Variants in SYT3 observed in about 807,000 individuals in gnomAD.
The protein encoded by SYT3 is synaptotagmin-3.
A neutral mutation model predicts 50.6 loss-of-function variants in SYT3; 25 were observed. The observed-to-expected ratio is 0.49, with a 90% confidence interval of 0.36 to 0.69. The LOEUF (loss-of-function observed/expected upper bound fraction) is 0.69, where lower values mean the gene tolerates loss of function less well. Among genes scored for constraint, SYT3 ranks in the 30% least tolerant of loss-of-function variants. The pLI, the probability that SYT3 is intolerant of heterozygous loss-of-function variation, is 0.00. For missense variants in SYT3, 589 were observed against 793.6 expected (o/e 0.74, Z 3.10); for synonymous variants, 323 against 353.9 (o/e 0.91, Z 0.98).
upstream of SYT3, among the ~76,000 whole-genome samples, chr19:50,640,292 C>T (rs948163046): frequency 6.6e-6 from 1 of 152,202 alleles, no homozygotes. Flanking sequence ...CCAACTCCTG[C>T]CTGTGTGCGC....
At position 50,629,449 on chromosome 19, in the gene SYT3, C is replaced by G. The variant is rs375139764; in HGVS notation, c.1126G>C (p.Glu376Gln). 44 of 1,613,902 alleles carry G rather than the reference C, an allele frequency of 2.7e-5. No homozygotes were observed. Among genetic ancestry groups the G allele is most frequent in the South Asian group, 7.7e-5 (7 of 91,076 alleles). Residue 376 changes from glutamate to glutamine, a missense_variant, in exon 6 of 11, where the codon GAG (glutamate) becomes CAG (glutamine). Around this residue, in one of 2 missense-constraint regions of SYT3, gnomAD observed 273 missense variants for 439.3 expected, o/e 0.62. Coordinates refer to ENST00000600079, the MANE Select transcript of SYT3 (RefSeq NM_001160329.2). ...AAGTGCAGTTTGCGTTGGGCCAGCT[C>G]GGCCAGGGGCACCGAGAATTGAAAC... Reference protein sequence around the residue: ...ETFQFSVPLAELAQRKLHFSV... With the variant: ...ETFQFSVPLAQLAQRKLHFSV...
At chr19:50,649,516 T>A in the SYT3 span, 5 of 1,535,790 alleles carry the variant, frequency 3.3e-6, no homozygotes, top group Non-Finnish European at 4.4e-6. Flanking sequence ...AGGCAGGTAC[T>A]GAGCTGTGTC....
the SYT3 span, chr19:50,655,988 T>A: frequency 3.4e-6 from 5 of 1,491,232 alleles, no homozygotes; most frequent in Non-Finnish European, 4.5e-6. Context: ...GTGATGGCCA[T>A]TTAAGCAGAA....
Position 50,625,955 on chromosome 19 carries a change from G to A in SYT3, c.1344C>T (p.Leu448=), listed in dbSNP as rs200111183. ...SLCYLPTAGR[L]TVTIIKASNL... ...TAGAGGCTTTGATGATGGTCACGGT[G>A]AGGCGCCCGGCCGTGGGGAGGTAGC... is the stretch of plus-strand genomic sequence containing the variant. Residue 448 remains leucine (L), a synonymous_variant, in exon 7 of 11, where the codon CTC becomes CTT. Transcript: ENST00000600079. The surrounding 1 kb of genome is among the most constrained non-coding windows in gnomAD (Gnocchi z 7.5). 20 of 1,614,020 alleles carry A rather than the reference G, an allele frequency of 1.2e-5. No homozygotes were observed. Among genetic ancestry groups the A allele is most frequent in the Non-Finnish European group, 1.7e-5 (20 of 1,180,020 alleles).
At chr19:50,655,566 G>A in the SYT3 span, among the ~76,000 whole-genome samples, 4 of 151,946 alleles carry the variant, frequency 2.6e-5, no homozygotes, top group South Asian at 2.1e-4. Flanking sequence ...GGAGAATGGC[G>A]TGAACCCGGG....
At chr19:50,648,780 G>C in the SYT3 span, among the ~76,000 whole-genome samples, 28 of 152,002 alleles carry the variant, frequency 1.8e-4, no homozygotes, top group Admixed American at 1.0e-3. Context: ...TTGGAATCTC[G>C]CCTGTTTCTA....
the SYT3 span, chr19:50,649,666 G>A: frequency 1.2e-6 from 1 of 858,788 alleles, no homozygotes; most frequent in African/African-American, 1.7e-5. Context: ...CCTGGAGAGC[G>A]GCCCCCTTGG....
Position 50,622,333 on chromosome 19 carries a change from T to C in SYT3, c.*152A>G. On this transcript the variant is annotated 3_prime_UTR_variant, in exon 11 of 11. Coordinates refer to ENST00000600079, the MANE Select transcript of SYT3 (RefSeq NM_001160329.2). ...GAGCTGGGCCGGCCTCCTCTCATCC[T>C]CTCGCTTCCAGGGTTAGGAAGCCTA... is the stretch of plus-strand genomic sequence containing the variant. 4.4e-6 allele frequency: 1 copy of C among 228,420 alleles called. No homozygotes were observed. The highest frequency in any genetic ancestry group is 2.3e-5 in the African/African-American group (1 of 43,848). 14.1% of individuals were successfully genotyped at this position (228,420 alleles called of 1,614,324 possible). A position where few individuals can be genotyped will look rare whatever the true frequency, so the allele number is the denominator to read the frequency against.
Position 50,625,120 on chromosome 19 carries a change from G to A in SYT3, c.1707+42C>T, listed in dbSNP as rs7256670. 3.2e-3 allele frequency: 4,913 copies of A among 1,525,708 alleles called. 129 individuals are homozygous for A. The African/African-American group carries it at 0.055, about 17-fold the overall frequency. The allele number at this position is 1,525,708 out of a possible 1,614,324, so 94.5% of individuals were successfully genotyped here. On this transcript the variant is annotated intron_variant, in intron 9 of 10. Transcript: ENST00000600079. This position sits in a 1 kb window ranked among gnomAD's most constrained non-coding sequence, Gnocchi z 7.5. Reference sequence around the variant, plus strand: ...TTGCATGGATGAAGGGGCCGAGGGTGCACGGGTGCTTGTCAGGGGTCGGTG... The same window carrying A: ...TTGCATGGATGAAGGGGCCGAGGGTACACGGGTGCTTGTCAGGGGTCGGTG...
rs1248298000 is a variant in SYT3 at position 50,625,595 on chromosome 19, A to C, written c.1403-31T>G. The C allele has an allele frequency of 2.6e-6, 4 of 1,537,264 alleles. No individual in the cohort carries two copies. In the African/African-American group the frequency reaches 4.2e-5, roughly 16 times the overall value. ...AACAGCAATGAAGTAAGGAACAGAG[A>C]CTCACTCCCTCAGACCTAGGGGTCC... On this transcript the variant is annotated intron_variant, in intron 7 of 10. Transcript: ENST00000600079. This position sits in a 1 kb window ranked among gnomAD's most constrained non-coding sequence, Gnocchi z 7.5.
chr19:50,647,941 C>T, the SYT3 span, among the ~76,000 whole-genome samples: 21,774 of 152,118 alleles, frequency 0.14, 1,773 homozygotes, highest in South Asian at 0.18. Flanking sequence ...TCAGGGCCCC[C>T]AGAACTGAGT....
At chr19:50,652,978 TAAAC>T in the SYT3 span, among the ~76,000 whole-genome samples, 5 of 152,210 alleles carry the variant, frequency 3.3e-5, no homozygotes, top group South Asian at 4.1e-4. Flanking sequence ...CATCATGTGT[TAAAC>T]AACACTACCT....
the SYT3 span, among the ~76,000 whole-genome samples, chr19:50,651,429 G>A: frequency 6.6e-6 from 1 of 151,980 alleles, no homozygotes; most frequent in Non-Finnish European, 1.5e-5. Context: ...CCGGGAGACT[G>A]GGCTTTCCCT....
the SYT3 span, among the ~76,000 whole-genome samples, chr19:50,647,572 C>T: frequency 0.31 from 47,465 of 151,314 alleles, 8,197 homozygotes; most frequent in African/African-American, 0.47. Flanking sequence ...CCCCATTACT[C>T]GGGAGACTGA....
chr19:50,625,761 T>G lies in SYT3; in HGVS notation c.1402+136A>C. ...CCCAGGAGTCCAGGCCCCTGGCCCC[T>G]CCTCCCTCAGACCCAGGAGTCCAGA... On this transcript the variant is annotated intron_variant, in intron 7 of 10. Transcript: ENST00000600079. This position sits in a 1 kb window ranked among gnomAD's most constrained non-coding sequence, Gnocchi z 7.5. The G allele has an allele frequency of 3.7e-6, 3 of 813,306 alleles. No homozygotes were observed. The highest frequency in any genetic ancestry group is 3.1e-5 in the Admixed American group (1 of 32,688). 50.4% of individuals were successfully genotyped at this position (813,306 alleles called of 1,614,324 possible).
chr19:50,653,682 G>GCACA, the SYT3 span, among the ~76,000 whole-genome samples: 772 of 121,898 alleles, frequency 6.3e-3, 6 homozygotes, highest in East Asian at 0.01. Flanking sequence ...ATGAGAGACA[G>GCACA]CACACACACA....
chr19:50,629,118 C>T (rs897580449), intron 6 of SYT3, among the ~76,000 whole-genome samples, 176 bp downstream of exon 6: 7 of 152,158 alleles, frequency 4.6e-5, no homozygotes, highest in African/African-American at 1.2e-4. Flanking sequence ...CTACCGCGCC[C>T]GGCTCATTCT....
At chr19:50,656,140 C>G in the SYT3 span, 1 of 1,536,136 alleles carries the variant, frequency 6.5e-7, no homozygotes, top group Non-Finnish European at 8.7e-7. Flanking sequence ...GTCCCTGGCC[C>G]CCATGACCTC....
the SYT3 span, chr19:50,657,893 G>A: frequency 2.8e-6 from 4 of 1,415,580 alleles, no homozygotes; most frequent in Non-Finnish European, 3.7e-6. Context: ...CTGGAACTCT[G>A]TGGCAGGTTC....
Sources: allele counts gnomAD v4.1 joint callset (sites outside exome capture counted in the v4.1 genomes callset), GRCh38; gene constraint gnomAD v4.1.1; regional missense constraint gnomAD v4.1.1; non-coding constraint Gnocchi (gnomAD v3.1); transcripts MANE v1.5; gene names NCBI Gene and HGNC (gene_info 2026-07-23, HGNC 2026-07-21).